GAB2: variants seen among roughly 807,000 people sequenced by gnomAD.
GAB2 encodes the protein GRB2-associated-binding protein 2.
In GAB2, 26 loss-of-function variants were observed where a neutral mutation model predicts 65.5. The ratio of observed to expected loss-of-function variants is 0.40; its 90% CI spans 0.29 to 0.55. The LOEUF (loss-of-function observed/expected upper bound fraction) is 0.55. GAB2 is among the 20% of genes least tolerant of loss of function. The pLI is 0.53. For synonymous variants in GAB2, 321 were observed against 329.6 expected (o/e 0.97, Z 0.28); for missense variants, 884 against 875.8 (o/e 1.01, Z -0.12).
intron 1 of GAB2, among the ~76,000 whole-genome samples, chr11:78,333,187 CCAATAATA>C (rs1402645942): frequency 1.3e-5 from 2 of 152,152 alleles, no homozygotes; most frequent in African/African-American, 4.8e-5. Context: ...TAACCATCTT[CCAATAATA>C]CACATACTGA....
At position 78,217,263 on chromosome 11, in the gene GAB2, T is replaced by TA. The variant is rs1268398469; in HGVS notation, c.*2008dup. 1.3e-5 allele frequency: 2 copies of TA among 152,320 alleles called. No individual in the cohort carries two copies. Among genetic ancestry groups the TA allele is most frequent in the Non-Finnish European group, 2.9e-5 (2 of 68,082 alleles). 9.4% of individuals were successfully genotyped at this position (152,320 alleles called of 1,614,324 possible). ...TCCTTGTCCTTTTTCTGATTGTGGCTATCTTAAGTTCAGGGAGAAGGTCTG... is the reference window on the plus strand; with the variant it reads ...TCCTTGTCCTTTTTCTGATTGTGGCTAATCTTAAGTTCAGGGAGAAGGTCTG... On this transcript the variant is annotated 3_prime_UTR_variant, in exon 10 of 10. Coordinates refer to ENST00000361507, the MANE Select transcript of GAB2 (RefSeq NM_080491.3).
chr11:78,343,296 T>A (rs947412014), intron 1 of GAB2, among the ~76,000 whole-genome samples: 1 of 151,074 alleles, frequency 6.6e-6, no homozygotes, highest in Non-Finnish European at 1.5e-5. Flanking sequence ...TCCCCGTTGA[T>A]AGACTGAAAA....
intron 2 of GAB2, among the ~76,000 whole-genome samples, chr11:78,270,338 A>G (rs1284080757): frequency 6.6e-6 from 1 of 151,938 alleles, no homozygotes; most frequent in Non-Finnish European, 1.5e-5. Flanking sequence ...CGTCTTAAAA[A>G]AAAAAAAAAA....
chr11:78,403,813 C>T (rs754911015), intron 1 of GAB2, among the ~76,000 whole-genome samples: 2 of 151,932 alleles, frequency 1.3e-5, no homozygotes, highest in Admixed American at 6.6e-5. Context: ...TCACAGAATG[C>T]GAGAAAATAT....
At chr11:78,382,182 G>C (rs1439975099) in intron 1 of GAB2, among the ~76,000 whole-genome samples, 1 of 152,080 alleles carries the variant, frequency 6.6e-6, no homozygotes, top group Non-Finnish European at 1.5e-5. Context: ...GTGCTCTCAT[G>C]GCACTTTGTT....
At chr11:78,318,387 G>A (rs1010880028) in intron 1 of GAB2, among the ~76,000 whole-genome samples, 167 of 23,658 alleles carry the variant, frequency 7.1e-3, no homozygotes, top group Middle Eastern at 0.023. Flanking sequence ...AAAAAAAAAA[G>A]CTGTGAAAAG....
intron 1 of GAB2, among the ~76,000 whole-genome samples, chr11:78,408,216 T>A (rs1329188980): frequency 6.6e-6 from 1 of 152,012 alleles, no homozygotes; most frequent in African/African-American, 2.4e-5. Flanking sequence ...ATAAAAAAAA[T>A]ATTTAAGACA....
chr11:78,295,845 T>C (rs1050539518), intron 1 of GAB2, among the ~76,000 whole-genome samples: 1 of 152,074 alleles, frequency 6.6e-6, no homozygotes, highest in African/African-American at 2.4e-5. Context: ...TGAGTATAGG[T>C]GACTCTTGTT....
intron 1 of GAB2, among the ~76,000 whole-genome samples, chr11:78,396,173 A>G (rs925033446): frequency 6.6e-6 from 1 of 152,222 alleles, no homozygotes; most frequent in African/African-American, 2.4e-5. Flanking sequence ...TGGTCATACC[A>G]ATTAAAAGCC....
At chr11:78,393,915 A>T (rs1201678665) in intron 1 of GAB2, among the ~76,000 whole-genome samples, 2 of 152,246 alleles carry the variant, frequency 1.3e-5, no homozygotes, top group Admixed American at 6.5e-5. Flanking sequence ...ACAACTAAAG[A>T]CAGAGAGGAG....
chr11:78,395,698 C>A (rs1305038035), intron 1 of GAB2, among the ~76,000 whole-genome samples: 1 of 152,190 alleles, frequency 6.6e-6, no homozygotes, highest in Admixed American at 6.5e-5. Flanking sequence ...CACAATTGTT[C>A]ATGTTTGCAC....
At chr11:78,404,360 T>C (rs1029915866) in intron 1 of GAB2, among the ~76,000 whole-genome samples, 3 of 152,090 alleles carry the variant, frequency 2.0e-5, no homozygotes, top group South Asian at 2.1e-4. Flanking sequence ...CTGGGCAACA[T>C]AGTGAGCCCT....
chr11:78,372,192 C>A (rs1856580513), intron 1 of GAB2, among the ~76,000 whole-genome samples: 1 of 152,076 alleles, frequency 6.6e-6, no homozygotes, highest in Non-Finnish European at 1.5e-5. Flanking sequence ...AAAATACCAT[C>A]CTCTATAAGT....
At chr11:78,402,271 T>G (rs1856983128) in intron 1 of GAB2, among the ~76,000 whole-genome samples, 1 of 152,052 alleles carries the variant, frequency 6.6e-6, no homozygotes, top group Admixed American at 6.5e-5. Flanking sequence ...TTCTATCTAG[T>G]CAGGTCCTAG....
chr11:78,245,573 G>A (rs928331893), intron 3 of GAB2, among the ~76,000 whole-genome samples: 22 of 152,204 alleles, frequency 1.4e-4, no homozygotes, highest in East Asian at 1.9e-4. Flanking sequence ...CACATGGCAA[G>A]AAATGGCAAA....
At chr11:78,282,648 A>T (rs567789091) in intron 1 of GAB2, among the ~76,000 whole-genome samples, 1 of 152,014 alleles carries the variant, frequency 6.6e-6, no homozygotes, top group South Asian at 2.1e-4. Flanking sequence ...TACCTCTTTG[A>T]ATCCTGCCTC....
rs2134468757 is a variant in GAB2, at chr11:78,226,675, C to T, written c.997G>A (p.Asp333Asn). The T allele has an allele frequency of 6.2e-7, 1 of 1,613,932 alleles. No homozygotes were observed. Among genetic ancestry groups the T allele is most frequent in the Non-Finnish European group, 8.5e-7 (1 of 1,179,968 alleles). ...AYQIPRTFTLDKNHNAMTVAT... is the reference protein window; with the variant it reads ...AYQIPRTFTLNKNHNAMTVAT... The stretch of plus-strand genomic sequence containing the variant: ...ACTGTCATGGCATTGTGGTTTTTGT[C>T]CAGAGTGAATGTCCTAGGGATCTGG... Residue 333 changes from aspartate (D) to asparagine (N), a missense_variant, in exon 4 of 10, where the codon GAC becomes AAC. By Grantham distance (23) the Asp-to-Asn change is conservative. Transcript: ENST00000361507.
chr11:78,268,149 G>A (rs924929398), intron 2 of GAB2, among the ~76,000 whole-genome samples: 1 of 152,050 alleles, frequency 6.6e-6, no homozygotes, highest in Non-Finnish European at 1.5e-5. Flanking sequence ...TACTCAAAGT[G>A]GCTCCCTCTC....
chr11:78,311,902 G>A (rs1855506587), intron 1 of GAB2, among the ~76,000 whole-genome samples: 1 of 152,174 alleles, frequency 6.6e-6, no homozygotes, highest in Non-Finnish European at 1.5e-5. Context: ...CTGAGATGGG[G>A]TGAGAGAAAC....
Sources: allele counts gnomAD v4.1 joint callset (sites outside exome capture counted in the v4.1 genomes callset), GRCh38; gene constraint gnomAD v4.1.1; transcripts MANE v1.5; gene names NCBI Gene and HGNC (gene_info 2026-07-23, HGNC 2026-07-21).